Variants in CNTNAP2 observed in about 807,000 individuals in gnomAD.
The protein encoded by CNTNAP2 is contactin associated protein 2.
In CNTNAP2, 98 loss-of-function variants were observed where a neutral mutation model predicts 155.2. The ratio of observed to expected loss-of-function variants is 0.63; its 90% CI spans 0.54 to 0.75. CNTNAP2 has a LOEUF of 0.75. Ranked by LOEUF, CNTNAP2 falls within the 30% of genes least tolerant of loss-of-function variation. The probability of loss-of-function intolerance (pLI) is 0.00; values close to 1 mark genes in which losing one functional copy is unlikely to be tolerated. For synonymous variants in CNTNAP2, 651 were observed against 631.2 expected, an observed-to-expected ratio of 1.03 and a Z score of -0.47; for missense variants, 1,727 against 1,688.1, an observed-to-expected ratio of 1.02 and a Z score of -0.40.
At chr7:146,586,339 A>G (rs1242072247) in intron 1 of CNTNAP2, among the ~76,000 whole-genome samples, 2 of 152,212 alleles carry the variant, frequency 1.3e-5, no homozygotes, top group Non-Finnish European at 2.9e-5. Flanking sequence ...AGGAAAATTC[A>G]GAATACTTAG....
intron 1 of CNTNAP2, among the ~76,000 whole-genome samples, chr7:146,361,110 A>G (rs1429899616): frequency 6.6e-6 from 1 of 152,196 alleles, no homozygotes; most frequent in African/African-American, 2.4e-5. Context: ...TCCCTTAAGA[A>G]CGACAAATTC....
intron 1 of CNTNAP2, among the ~76,000 whole-genome samples, chr7:146,683,167 G>A (rs1321871986): frequency 6.6e-6 from 1 of 152,100 alleles, no homozygotes; most frequent in East Asian, 1.9e-4. Flanking sequence ...GCCAGTAGCT[G>A]GGATTACAGG....
At chr7:147,189,803 G>A (rs1802642838) in intron 8 of CNTNAP2, among the ~76,000 whole-genome samples, 1 of 152,182 alleles carries the variant, frequency 6.6e-6, no homozygotes, top group East Asian at 1.9e-4. Flanking sequence ...GGAGTGCAGT[G>A]GCGCGATCTC....
intron 3 of CNTNAP2, among the ~76,000 whole-genome samples, chr7:146,981,310 C>T (rs369942101): frequency 9.2e-5 from 14 of 152,176 alleles, no homozygotes; most frequent in South Asian, 4.1e-4. Context: ...CTGATTTATT[C>T]GTGTAAATTT....
intron 22 of CNTNAP2, among the ~76,000 whole-genome samples, chr7:148,406,219 G>A (rs570554976): frequency 3.0e-5 from 4 of 133,582 alleles, no homozygotes; most frequent in East Asian, 2.4e-4. Flanking sequence ...GGGACACAGC[G>A]AGACTCCATC....
chr7:147,492,143 G>A (rs1798620212), intron 11 of CNTNAP2, among the ~76,000 whole-genome samples: 1 of 152,170 alleles, frequency 6.6e-6, no homozygotes, highest in Admixed American at 6.5e-5. Context: ...AGTGGGTAAG[G>A]GGATGGTTCC....
At chr7:147,445,323 A>C (rs1002405595) in intron 10 of CNTNAP2, among the ~76,000 whole-genome samples, 1 of 152,234 alleles carries the variant, frequency 6.6e-6, no homozygotes, top group African/African-American at 2.4e-5. Context: ...CCTATGAAAC[A>C]GTGAGACAAT....
chr7:146,508,111 A>C (rs1364681821), intron 1 of CNTNAP2, among the ~76,000 whole-genome samples: 1 of 152,198 alleles, frequency 6.6e-6, no homozygotes, highest in East Asian at 1.9e-4. Flanking sequence ...TGGCCATACC[A>C]GAGAATTGTA....
intron 13 of CNTNAP2, among the ~76,000 whole-genome samples, chr7:147,822,475 G>A (rs932109821): frequency 6.6e-6 from 1 of 152,136 alleles, no homozygotes; most frequent in African/African-American, 2.4e-5. Flanking sequence ...CCTGTTGGAA[G>A]TATTGCAAGT....
At chr7:147,012,497 G>C (rs1351925208) in intron 3 of CNTNAP2, among the ~76,000 whole-genome samples, 1 of 152,050 alleles carries the variant, frequency 6.6e-6, no homozygotes, top group Non-Finnish European at 1.5e-5. Context: ...TTTTGAAAAC[G>C]TACTAATATT....
intron 4 of CNTNAP2, among the ~76,000 whole-genome samples, chr7:147,063,745 T>C (rs897326409): frequency 1.1e-4 from 16 of 152,182 alleles, no homozygotes; most frequent in Non-Finnish European, 1.8e-4. Context: ...ATAAAAATCC[T>C]TGTCTAGTCA....
intron 13 of CNTNAP2, among the ~76,000 whole-genome samples, chr7:147,657,689 G>A (rs1031148622): frequency 2.6e-5 from 4 of 152,078 alleles, no homozygotes; most frequent in African/African-American, 7.2e-5. Context: ...TAGGATAAAG[G>A]TATATAAAAC....
chr7:146,676,388 A>G (rs1031647799), intron 1 of CNTNAP2, among the ~76,000 whole-genome samples: 1 of 152,090 alleles, frequency 6.6e-6, no homozygotes, highest in East Asian at 1.9e-4. Context: ...ACCTGGGAGC[A>G]TTGATTCAAG....
intron 13 of CNTNAP2, among the ~76,000 whole-genome samples, chr7:147,883,663 A>G (rs569180338): frequency 1.0e-3 from 155 of 152,370 alleles, no homozygotes; most frequent in African/African-American, 3.6e-3. Flanking sequence ...TCCAATTTCA[A>G]CTGATAGACT....
intron 21 of CNTNAP2, among the ~76,000 whole-genome samples, chr7:148,351,096 C>T (rs748508864): frequency 3.9e-5 from 6 of 152,136 alleles, no homozygotes; most frequent in Non-Finnish European, 8.8e-5. Context: ...AATGGGCAAA[C>T]AAGATTATCA....
chr7:148,340,549 G>A (rs963380393), intron 21 of CNTNAP2, among the ~76,000 whole-genome samples: 1 of 152,204 alleles, frequency 6.6e-6, no homozygotes, highest in African/African-American at 2.4e-5. Context: ...TCCCCGTAGG[G>A]ACTGAGTCCC....
intron 8 of CNTNAP2, among the ~76,000 whole-genome samples, chr7:147,178,358 AC>A (rs1802389725): frequency 6.6e-6 from 1 of 152,126 alleles, no homozygotes; most frequent in Non-Finnish European, 1.5e-5. Flanking sequence ...AGGAACGTGG[AC>A]CCCATTTAGA....
chr7:147,369,410 G>T (rs935395911), intron 9 of CNTNAP2, among the ~76,000 whole-genome samples: 1 of 152,162 alleles, frequency 6.6e-6, no homozygotes, highest in Non-Finnish European at 1.5e-5. Flanking sequence ...AGAAACTAAG[G>T]TTTGTTCATG....
At chr7:146,759,209 A>AT (rs1802043576) in intron 1 of CNTNAP2, among the ~76,000 whole-genome samples, 1 of 152,146 alleles carries the variant, frequency 6.6e-6, no homozygotes, top group African/African-American at 2.4e-5. Context: ...TCAATGCAAC[A>AT]TATTTTTACG....
Sources: gnomAD v4.1 joint callset for allele counts (sites outside exome capture counted in the v4.1 genomes callset) on GRCh38, gnomAD v4.1.1 for gene constraint, MANE v1.5 for transcripts, NCBI Gene and HGNC (gene_info 2026-07-23, HGNC 2026-07-21) for gene names.